Variants in BABAM2 observed in about 807,000 individuals in gnomAD.
The protein encoded by BABAM2 is BRISC and BRCA1 A complex member 2.
In BABAM2, 31 loss-of-function variants were observed where a neutral mutation model predicts 54.7. That is an observed-to-expected ratio of 0.57 (90% confidence interval 0.43 to 0.77). The LOEUF is 0.77. Among genes scored for constraint, BABAM2 ranks in the 30% least tolerant of loss-of-function variants. The pLI is 0.00. For synonymous variants in BABAM2, 167 were observed against 162.9 expected, an observed-to-expected ratio of 1.03 and a Z score of -0.19; for missense variants, 364 against 455.8, an observed-to-expected ratio of 0.80 and a Z score of 1.83.
chr2:28,124,279 T>C (rs188133632), intron 6 of BABAM2, among the ~76,000 whole-genome samples: 15 of 152,338 alleles, frequency 9.8e-5, no homozygotes, highest in Non-Finnish European at 2.1e-4. Flanking sequence ...TTAACCTTAG[T>C]TTTAGATGTT....
At chr2:27,944,554 T>A (rs1669156414) in intron 3 of BABAM2, among the ~76,000 whole-genome samples, 1 of 152,238 alleles carries the variant, frequency 6.6e-6, no homozygotes, top group Admixed American at 6.5e-5. Flanking sequence ...GTTACATCAG[T>A]ACTTTGTTCC....
intron 3 of BABAM2, among the ~76,000 whole-genome samples, chr2:27,945,406 C>T (rs1669226915): frequency 6.6e-6 from 1 of 151,912 alleles, no homozygotes; most frequent in African/African-American, 2.4e-5. Flanking sequence ...TGTTGTATTC[C>T]CTTAATATGT....
chr2:27,995,982 T>C lies in BABAM2; in HGVS notation c.300+7895T>C, dbSNP rs1673117061. On this transcript the variant is annotated intron_variant, in intron 4 of 11. Transcript: ENST00000379624. The surrounding 1 kb of genome is among the most constrained non-coding windows in gnomAD (Gnocchi z 4.1). ...TATCTGGTTAACTTATCTTTTCATCTATATCTAAATGGCTTTCTCCACTTT... is the reference window on the plus strand; with the variant it reads ...TATCTGGTTAACTTATCTTTTCATCCATATCTAAATGGCTTTCTCCACTTT... Among the ~76,000 whole-genome samples, 1 of 152,240 alleles carries C rather than the reference T, an allele frequency of 6.6e-6. No individual in the cohort carries two copies. Among genetic ancestry groups the C allele is most frequent in the Non-Finnish European group, 1.5e-5 (1 of 68,046 alleles).
chr2:27,993,354 A>T (rs1672908755), intron 4 of BABAM2, among the ~76,000 whole-genome samples: 1 of 152,190 alleles, frequency 6.6e-6, no homozygotes, highest in Admixed American at 6.5e-5. Context: ...AGGGACTTGC[A>T]GCTTTCCAGG....
At chr2:28,261,743 T>C (rs1352405261) in intron 10 of BABAM2, among the ~76,000 whole-genome samples, 3 of 151,468 alleles carry the variant, frequency 2.0e-5, no homozygotes, top group African/African-American at 7.3e-5. Context: ...TCCCTTCCTT[T>C]CTCTCCCCTC....
At chr2:28,164,741 T>G (rs1673461097) in intron 7 of BABAM2, among the ~76,000 whole-genome samples, 1 of 152,118 alleles carries the variant, frequency 6.6e-6, no homozygotes, top group African/African-American at 2.4e-5. Flanking sequence ...CCTTGTCACA[T>G]GTATCTTGGC....
At chr2:27,907,882 A>C (rs1417549472) in intron 2 of BABAM2, among the ~76,000 whole-genome samples, 1 of 152,180 alleles carries the variant, frequency 6.6e-6, no homozygotes, top group Non-Finnish European at 1.5e-5. Context: ...ATAGTATTTC[A>C]ATGTATGTAT....
chr2:27,905,498 A>G (rs2148289750), intron 2 of BABAM2, among the ~76,000 whole-genome samples: 1 of 152,300 alleles, frequency 6.6e-6, no homozygotes, highest in African/African-American at 2.4e-5. Context: ...GAGATAATTC[A>G]TATAAAGCAC....
intron 4 of BABAM2, chr2:28,015,744 A>G (rs1674753430): frequency 1.9e-6 from 2 of 1,066,934 alleles, no homozygotes; most frequent in Non-Finnish European, 2.5e-6. Context: ...ATTTTTCTGA[A>G]TGTTATGGTG....
chr2:27,921,616 A>G (rs1667353849), intron 2 of BABAM2, among the ~76,000 whole-genome samples: 1 of 152,156 alleles, frequency 6.6e-6, no homozygotes, highest in South Asian at 2.1e-4. Context: ...CAGTGCCCTC[A>G]TCTGTAAATT....
chr2:28,250,587 T>TC (rs1553350034), intron 10 of BABAM2, among the ~76,000 whole-genome samples: 1 of 148,484 alleles, frequency 6.7e-6, no homozygotes, highest in African/African-American at 2.5e-5. Flanking sequence ...TTTTTTTCTT[T>TC]TTTTTTTGTT....
intron 10 of BABAM2, among the ~76,000 whole-genome samples, chr2:28,249,114 G>A (rs1330103608): frequency 1.4e-5 from 2 of 144,886 alleles, no homozygotes; most frequent in African/African-American, 2.6e-5. Flanking sequence ...TGGAAACAGC[G>A]TCTCACTCTG....
intron 6 of BABAM2, among the ~76,000 whole-genome samples, chr2:28,050,059 C>A (rs1677889058): frequency 6.6e-6 from 1 of 152,112 alleles, no homozygotes; most frequent in Non-Finnish European, 1.5e-5. Context: ...AGTGAACTAG[C>A]ATGTATGTGC....
intron 4 of BABAM2, among the ~76,000 whole-genome samples, chr2:28,012,515 T>C (rs1016444042): frequency 1.3e-4 from 20 of 152,190 alleles, no homozygotes; most frequent in Non-Finnish European, 2.1e-4. Flanking sequence ...AACTTGAGCA[T>C]TTTGGCCCCA....
At chr2:28,179,425 C>G (rs1178246327) in intron 7 of BABAM2, among the ~76,000 whole-genome samples, 2 of 152,092 alleles carry the variant, frequency 1.3e-5, no homozygotes, top group Admixed American at 6.5e-5. Flanking sequence ...TTGGATAAAA[C>G]TCGACGTTCC....
chr2:28,109,854 T>G (rs1667849970), intron 6 of BABAM2, among the ~76,000 whole-genome samples: 1 of 152,230 alleles, frequency 6.6e-6, no homozygotes, highest in African/African-American at 2.4e-5. Context: ...TCTCTTTTCT[T>G]TATTTTTTTT....
At chr2:28,221,195 C>T (rs1190621144) in intron 7 of BABAM2, among the ~76,000 whole-genome samples, 1 of 152,002 alleles carries the variant, frequency 6.6e-6, no homozygotes, top group Non-Finnish European at 1.5e-5. Context: ...AAACTTCTCC[C>T]CTTTCTGCTT....
chr2:28,059,935 G>A (rs1678726970), intron 6 of BABAM2, among the ~76,000 whole-genome samples: 1 of 152,150 alleles, frequency 6.6e-6, no homozygotes, highest in Non-Finnish European at 1.5e-5. Flanking sequence ...ATCATTTAAG[G>A]AAGAAATAGT....
chr2:28,117,756 A>G (rs1176068214), intron 6 of BABAM2, among the ~76,000 whole-genome samples: 1 of 152,138 alleles, frequency 6.6e-6, no homozygotes, highest in Non-Finnish European at 1.5e-5. Flanking sequence ...TAGGACAGGA[A>G]GCTCTTTGAG....
Sources: gnomAD v4.1 joint callset for allele counts (sites outside exome capture counted in the v4.1 genomes callset) on GRCh38, gnomAD v4.1.1 for gene constraint, Gnocchi (gnomAD v3.1) non-coding constraint, MANE v1.5 for transcripts, NCBI Gene and HGNC (gene_info 2026-07-23, HGNC 2026-07-21) for gene names.